SLC8A1: variants seen among roughly 807,000 people sequenced by gnomAD.
SLC8A1 encodes sodium/calcium exchanger 1.
Under a neutral mutation model 68.3 loss-of-function variants are expected in SLC8A1, and 18 were observed. The observed-to-expected ratio is 0.26, with a 90% CI of 0.18 to 0.39. SLC8A1 has a LOEUF of 0.39. SLC8A1 is among the 10% of genes least tolerant of loss of function. The pLI is 1.00. For synonymous variants in SLC8A1, 475 were observed against 415.5 expected (o/e 1.14, Z -1.74); for missense variants, 985 against 1,156.7 (o/e 0.85, Z 2.15).
intron 2 of SLC8A1, among the ~76,000 whole-genome samples, chr2:40,349,588 G>C (rs1421920658): frequency 6.6e-6 from 1 of 152,198 alleles, no homozygotes; most frequent in South Asian, 2.1e-4. Flanking sequence ...CTACCTCACA[G>C]GGTTATTGTG....
chr2:40,367,387 A>T (rs1341568814), intron 2 of SLC8A1, among the ~76,000 whole-genome samples: 1 of 152,016 alleles, frequency 6.6e-6, no homozygotes, highest in Non-Finnish European at 1.5e-5. Context: ...CACTTCGCTG[A>T]TCTTTGCTGC....
chr2:40,128,952 A>G (rs958130000), intron 7 of SLC8A1, among the ~76,000 whole-genome samples: 1 of 152,234 alleles, frequency 6.6e-6, no homozygotes, highest in African/African-American at 2.4e-5. Flanking sequence ...ATTGAGTCAG[A>G]AAGTACATCA....
At position 40,169,466 on chromosome 2, in the gene SLC8A1, G is replaced by A. The variant is rs556650221; in HGVS notation, c.1931-4482C>T. 5.3e-5 allele frequency among the ~76,000 whole-genome samples: 8 copies of A among 152,182 alleles called. 1 individual carries two copies. The highest frequency in any genetic ancestry group is 1.7e-4 in the African/African-American group (7 of 41,526). ...AAATATCATTAGAGATGATATTTGGGCTCTAAACCTGTATTAGATCTGGGA... is the reference window on the plus strand; with the variant it reads ...AAATATCATTAGAGATGATATTTGGACTCTAAACCTGTATTAGATCTGGGA... On this transcript the variant is annotated intron_variant, in intron 4 of 7. Transcript: ENST00000406785.
intron 7 of SLC8A1, among the ~76,000 whole-genome samples, chr2:40,134,067 C>T (rs1262677287): frequency 7.0e-6 from 1 of 142,256 alleles, no homozygotes; most frequent in Non-Finnish European, 1.5e-5. Flanking sequence ...CCAGAGTATA[C>T]CTAAAGTTTT....
rs564778517 is a variant in SLC8A1, at chr2:40,505,933, G to T, written c.-25+6416C>A. Among the ~76,000 whole-genome samples, 6 of 151,998 alleles carry T rather than the reference G, an allele frequency of 3.9e-5. No individual in the cohort carries two copies. The South Asian group carries it at 1.0e-3, about 26-fold the overall frequency. On this transcript the variant is annotated intron_variant, in intron 1 of 7. Transcript: ENST00000402441. ...GTTAGCCTAATTTCAGTACTGAGAG[G>T]TTAGGGAGCACACCAAATCAATTAC... is the stretch of plus-strand genomic sequence containing the variant.
chr2:40,322,439 C>T (rs944355793), intron 2 of SLC8A1, among the ~76,000 whole-genome samples: 27 of 146,506 alleles, frequency 1.8e-4, no homozygotes, highest in Admixed American at 2.1e-4. Flanking sequence ...AGGAGGATTG[C>T]TTGAGGCCAG....
At chr2:40,179,539 T>C (rs581477) in intron 2 of SLC8A1, among the ~76,000 whole-genome samples, 17,264 of 152,248 alleles carry the variant, frequency 0.11, 1,112 homozygotes, top group Middle Eastern at 0.22. Flanking sequence ...AACTAACTTA[T>C]TAGAAGCCTC....
chr2:40,370,966 A>G (rs1007377118), intron 2 of SLC8A1, among the ~76,000 whole-genome samples: 1 of 152,092 alleles, frequency 6.6e-6, no homozygotes, highest in African/African-American at 2.4e-5. Flanking sequence ...AGGTACCCCT[A>G]GACATTCATT....
At chr2:40,236,599 C>T (rs1225072768) in intron 2 of SLC8A1, among the ~76,000 whole-genome samples, 1 of 150,334 alleles carries the variant, frequency 6.7e-6, no homozygotes, top group Non-Finnish European at 1.5e-5. Flanking sequence ...AGTCCATTTA[C>T]ATTTAAAGTT....
chr2:40,277,186 G>C lies in SLC8A1; in HGVS notation c.1809-99331C>G, dbSNP rs1575003570. 5.3e-5 allele frequency among the ~76,000 whole-genome samples: 8 copies of C among 151,888 alleles called. 1 individual carries two copies. The highest frequency in any genetic ancestry group is 5.2e-4 in the Admixed American group (8 of 15,268). Reference sequence around the variant, plus strand: ...ATGGTATGGTTATAACACTTGCTTTGTCAGTTTGTCACTCTGACAAGTTAC... The same window carrying C: ...ATGGTATGGTTATAACACTTGCTTTCTCAGTTTGTCACTCTGACAAGTTAC... On this transcript the variant is annotated intron_variant, in intron 2 of 7. Transcript: ENST00000406785.
chr2:40,123,246 T>A (rs2037320780), intron 7 of SLC8A1: 1 of 152,218 alleles, frequency 6.6e-6, no homozygotes, highest in South Asian at 2.1e-4. Flanking sequence ...AGCTTCATCA[T>A]GTTCAACTCC....
At chr2:40,462,961 T>C (rs973131845) in intron 1 of SLC8A1, among the ~76,000 whole-genome samples, 1 of 152,184 alleles carries the variant, frequency 6.6e-6, no homozygotes, top group Non-Finnish European at 1.5e-5. Context: ...TGAGTAGTTT[T>C]TGAGTGACCA....
At chr2:40,128,612 GC>G (rs1250807765) in intron 7 of SLC8A1, among the ~76,000 whole-genome samples, 9 of 152,132 alleles carry the variant, frequency 5.9e-5, no homozygotes, top group Admixed American at 5.2e-4. Context: ...ATCAGGTACT[GC>G]CCTAAGAGTC....
At chr2:40,385,422 A>G (rs73928964) in intron 2 of SLC8A1, among the ~76,000 whole-genome samples, 5 of 139,974 alleles carry the variant, frequency 3.6e-5, no homozygotes, top group Admixed American at 1.5e-4. Context: ...TCTCTCTCAA[A>G]TCACCATTTT....
In SLC8A1 at chr2:40,313,823, C is replaced by T. The variant is rs1392644628; in HGVS notation, c.1808+114650G>A. 2.6e-5 allele frequency among the ~76,000 whole-genome samples: 4 copies of T among 152,054 alleles called. No individual in the cohort carries two copies. The East Asian group carries it at 7.7e-4, about 29-fold the overall frequency. ...ATATTTCCATGTGCTTATTTGTTAA[C>T]ATATATTTTCTTTAGTGAAATATCT... is the stretch of plus-strand genomic sequence containing the variant. On this transcript the variant is annotated intron_variant, in intron 2 of 7. Transcript: ENST00000406785.
intron 6 of SLC8A1, among the ~76,000 whole-genome samples, chr2:40,154,945 G>C (rs1269398911): frequency 6.6e-6 from 1 of 152,078 alleles, no homozygotes; most frequent in African/African-American, 2.4e-5. Flanking sequence ...TTGCTCATGA[G>C]ACTAGCATCC....
chr2:40,211,035 G>GA (rs2056489701), intron 2 of SLC8A1, among the ~76,000 whole-genome samples: 1 of 152,192 alleles, frequency 6.6e-6, no homozygotes. Context: ...AGGCCATTCT[G>GA]AAGTAGGTCT....
At chr2:40,118,653 A>C (rs2036095138) in intron 7 of SLC8A1, 1 of 128,580 alleles carries the variant, frequency 7.8e-6, no homozygotes, top group African/African-American at 2.9e-5. Flanking sequence ...AGGCAGTGGA[A>C]CATGGAAAGT....
chr2:40,290,017 T>C (rs2069007694), intron 2 of SLC8A1, among the ~76,000 whole-genome samples: 1 of 152,008 alleles, frequency 6.6e-6, no homozygotes, highest in African/African-American at 2.4e-5. Context: ...AGTGTTTCAT[T>C]GGATAATTAA....
Sources: allele counts gnomAD v4.1 joint callset (sites outside exome capture counted in the v4.1 genomes callset), GRCh38; gene constraint gnomAD v4.1.1; transcripts MANE v1.5; gene names NCBI Gene and HGNC (gene_info 2026-07-23, HGNC 2026-07-21).